Variants in CA9 observed in about 807,000 individuals in gnomAD.
The protein encoded by CA9 is CA-IX.
CA9 carries 43 observed loss-of-function variants against 51.8 expected under a neutral mutation model. The observed-to-expected ratio is 0.83, with a 90% CI of 0.65 to 1.07. The LOEUF (loss-of-function observed/expected upper bound fraction) is 1.07, where lower values mean the gene tolerates loss of function less well. Among genes scored for constraint, CA9 ranks in the 50% least tolerant of loss-of-function variants. The pLI, the probability that CA9 is intolerant of heterozygous loss-of-function variation, is 0.00. For missense variants in CA9, 574 were observed against 581.4 expected (o/e 0.99, Z 0.13); for synonymous variants, 253 against 244.2 (o/e 1.04, Z -0.34).
Position 35,678,701 on chromosome 9 carries a change from T to C in CA9, c.908-484T>C, listed in dbSNP as rs1734614855. ...TCAGATCATTTTTTCTTTTCTTTTC[T>C]TTTTTTTTTTTTTTACATCTTTAGT... On this transcript the variant is annotated intron_variant, in intron 6 of 10. Coordinates refer to ENST00000378357, the MANE Select transcript of CA9 (RefSeq NM_001216.3). 3.6e-5 allele frequency among the ~76,000 whole-genome samples: 5 copies of C among 139,236 alleles called. 1 individual carries two copies. The East Asian group carries it at 9.3e-4, about 26-fold the overall frequency. 91.3% of individuals were successfully genotyped at this position (139,236 alleles called of 152,430 possible).
At position 35,673,937 on chromosome 9, in the gene CA9, TGG is replaced by T; in HGVS notation, c.-21_-20del. The T allele has an allele frequency of 6.4e-7, 1 of 1,572,982 alleles. No individual in the cohort carries two copies. The highest frequency in any genetic ancestry group is 8.6e-7 in the Non-Finnish European group (1 of 1,159,138). On this transcript the variant is annotated 5_prime_UTR_variant, in exon 1 of 11. Coordinates refer to ENST00000378357, the MANE Select transcript of CA9 (RefSeq NM_001216.3). ...CGTACAGCCCGTACACACCGTGTGC[TGG>T]GACACCCCACAGTCAGCCGCATGGC...
intron 2 of CA9, 91 bp downstream of exon 2, chr9:35,675,658 T>TAGCC: frequency 7.1e-7 from 1 of 1,407,088 alleles, no homozygotes. Flanking sequence ...GTCCCGGGCG[T>TAGCC]CCCACCCGCC....
chr9:35,680,832 C>A lies in CA9; in HGVS notation c.1317C>A (p.His439Gln). 6.2e-7 allele frequency: 1 copy of A among 1,614,112 alleles called. No individual in the cohort carries two copies. Among genetic ancestry groups the A allele is most frequent in the Non-Finnish European group, 8.5e-7 (1 of 1,179,932 alleles). The change falls in exon 10 of 11, where the codon CAC becomes CAA. Residue 439 changes from histidine to glutamine, a missense_variant and splice_region_variant. Physicochemically the swap from His to Gln is conservative, Grantham distance 24 (BLOSUM62 0). Coordinates refer to ENST00000378357, the MANE Select transcript of CA9 (RefSeq NM_001216.3). ...VAFLVQMRRQ[H>Q]RRGTKGGVSY... ...TCCTTGTGCAGATGAGAAGGCAGCA[C>A]AGGTATTACACTGACCCTTTCTTCA...
At chr9:35,675,687 T>A in intron 2 of CA9, 74 bp from the exon 3 acceptor site, 7 of 606,002 alleles carry the variant, frequency 1.2e-5, no homozygotes, top group Middle Eastern at 5.1e-4. Flanking sequence ...TCCCACCCCC[T>A]CACCTTTTCT....
chr9:35,674,462 CTG>C, intron 1 of CA9, 100 bp downstream of exon 1: 3 of 1,121,458 alleles, frequency 2.7e-6, no homozygotes, highest in East Asian at 2.4e-5. Context: ...GGAGGGGAGA[CTG>C]TACTCCCCAC....
Position 35,674,291 on chromosome 9 carries a change from A to C in CA9, c.332A>C (p.Glu111Ala), listed in dbSNP as rs1824376161. 1 of 1,614,096 alleles carries C rather than the reference A, an allele frequency of 6.2e-7. No homozygotes were observed. Among genetic ancestry groups the C allele is most frequent in the Non-Finnish European group, 8.5e-7 (1 of 1,180,042 alleles). The change falls in exon 1 of 11, where the codon GAG becomes GCG. Residue 111 changes from glutamate (E) to alanine (A), a missense_variant. By Grantham distance (107) the Glu-to-Ala change is moderately radical. Coordinates refer to ENST00000378357, the MANE Select transcript of CA9 (RefSeq NM_001216.3). The part of the protein sequence containing the change: ...KSEEEGSLKL[E>A]DLPTVEAPGD... Reference sequence around the variant, plus strand: ...GAAGAAGAGGGCTCCCTGAAGTTAGAGGATCTACCTACTGTTGAGGCTCCT... The same window carrying C: ...GAAGAAGAGGGCTCCCTGAAGTTAGCGGATCTACCTACTGTTGAGGCTCCT...
intron 5 of CA9, 75 bp from the exon 6 acceptor site, chr9:35,677,714 AC>A (rs35212337): frequency 0.18 from 194,125 of 1,098,278 alleles, 19,926 homozygotes; most frequent in African/African-American, 0.26. Context: ...GTCTATGGGA[AC>A]CCCCCTTCAT....
intron 1 of CA9, 46 bp from the exon 2 acceptor site, chr9:35,675,492 G>A (rs1293304645): frequency 2.7e-5 from 44 of 1,610,716 alleles, no homozygotes; most frequent in Non-Finnish European, 3.7e-5. Context: ...GCCAGGAAGG[G>A]ATTGGGGCTC....
chr9:35,674,178 A>G lies in CA9; in HGVS notation c.219A>G (p.Arg73=), dbSNP rs112632019. The change falls in exon 1 of 11, where the codon AGA becomes AGG. Residue 73 remains arginine, a synonymous_variant. Coordinates refer to ENST00000378357, the MANE Select transcript of CA9 (RefSeq NM_001216.3). Reference sequence around the variant, plus strand: ...TGCCCAGTGAAGAGGATTCACCCAGAGAGGAGGATCCACCCGGAGAGGAGG... The same window carrying G: ...TGCCCAGTGAAGAGGATTCACCCAGGGAGGAGGATCCACCCGGAGAGGAGG... ...EDLPSEEDSP[R]EEDPPGEEDL... is the part of the protein sequence containing the mutation. 2.4e-5 allele frequency: 38 copies of G among 1,613,928 alleles called. No individual in the cohort carries two copies. Among genetic ancestry groups the G allele is most frequent in the Middle Eastern group, 1.6e-4 (1 of 6,084 alleles).
intron 1 of CA9, chr9:35,674,738 T>A: frequency 4.8e-5 from 8 of 166,596 alleles, no homozygotes; most frequent in Non-Finnish European, 1.0e-4. Flanking sequence ...GGAGGTGAAG[T>A]GGGTACCAGA....
At position 35,679,454 on chromosome 9, in the gene CA9, T is replaced by TA. The variant is rs750095543; in HGVS notation, c.1065+114dup. The TA allele has an allele frequency of 1.6e-3, 2,160 of 1,349,220 alleles. 5 individuals are homozygous for TA. Among genetic ancestry groups the TA allele is most frequent in the Non-Finnish European group, 2.0e-3 (1,970 of 988,920 alleles). 83.6% of individuals were successfully genotyped at this position (1,349,220 alleles called of 1,614,324 possible). On this transcript the variant is annotated intron_variant, in intron 7 of 10. Transcript: ENST00000378357. Reference sequence around the variant, plus strand: ...GGCTGGGCTCTGTGGCTTACGCCTATAATCCCACCACGTTGGGAGGCTGAG... The same window carrying TA: ...GGCTGGGCTCTGTGGCTTACGCCTATAAATCCCACCACGTTGGGAGGCTGAG...
In CA9 at chr9:35,674,236, G is replaced by A; in HGVS notation, c.277G>A (p.Glu93Lys). Residue 93 changes from glutamate (E) to lysine (K), a missense_variant, in exon 1 of 11, where the codon GAG becomes AAG. Transcript: ENST00000378357. ...TGGAGAGGAGGATCTACCTGGAGAGGAGGATCTACCTGAAGTTAAGCCTAA... is the reference window on the plus strand; with the variant it reads ...TGGAGAGGAGGATCTACCTGGAGAGAAGGATCTACCTGAAGTTAAGCCTAA... Reference protein sequence around the residue: ...LPGEEDLPGEEDLPEVKPKSE... With the variant: ...LPGEEDLPGEKDLPEVKPKSE... The A allele has an allele frequency of 6.3e-7, 1 of 1,596,252 alleles. No homozygotes were observed. The highest frequency in any genetic ancestry group is 1.4e-5 in the African/African-American group (1 of 71,752).
rs1247016467 is a variant in CA9 at position 35,681,091 on chromosome 9, T to G, written c.*66T>G. The G allele has an allele frequency of 7.6e-7, 1 of 1,310,284 alleles. No individual in the cohort carries two copies. Among genetic ancestry groups the G allele is most frequent in the Non-Finnish European group, 1.1e-6 (1 of 947,760 alleles). The allele number at this position is 1,310,284 out of a possible 1,614,324, so 81.2% of individuals were successfully genotyped here. ...TCTGAGGGGGAGCCGGTAACTGTCC[T>G]GTCCTGCTCATTATGCCACTTCCTT... On this transcript the variant is annotated 3_prime_UTR_variant, in exon 11 of 11. Transcript: ENST00000378357.
rs1824481796 is a variant in CA9, at chr9:35,679,195, T to C, written c.918T>C (p.Thr306=). The C allele has an allele frequency of 1.2e-6, 2 of 1,613,978 alleles. No homozygotes were observed. Among genetic ancestry groups the C allele is most frequent in the Non-Finnish European group, 1.7e-6 (2 of 1,180,020 alleles). ...LEEIAEEGSE[T]QVPGLDISAL... Reference sequence around the variant, plus strand: ...AGATCCTCTTCACAGGCTCAGAGACTCAGGTCCCAGGACTGGACATATCTG... The same window carrying C: ...AGATCCTCTTCACAGGCTCAGAGACCCAGGTCCCAGGACTGGACATATCTG... The change falls in exon 7 of 11, where the codon ACT becomes ACC. Residue 306 remains threonine (T), a synonymous_variant. Transcript: ENST00000378357.
chr9:35,675,665 C>T (rs1824401432), intron 2 of CA9, 96 bp from the exon 3 acceptor site: 1 of 1,404,690 alleles, frequency 7.1e-7, no homozygotes, highest in Non-Finnish European at 1.0e-6. Flanking sequence ...GCGTCCCACC[C>T]GCCGCCCACC....
chr9:35,680,912 G>A (rs1824537028), intron 10 of CA9, 53 bp from the exon 11 acceptor site: 2 of 1,611,622 alleles, frequency 1.2e-6, no homozygotes, highest in Non-Finnish European at 1.7e-6. Flanking sequence ...GCATGCAAAT[G>A]AGCTGCTCCT....
At chr9:35,675,658 T>TA in intron 2 of CA9, 91 bp downstream of exon 2, 62 of 1,406,902 alleles carry the variant, frequency 4.4e-5, no homozygotes, top group East Asian at 1.2e-4. Flanking sequence ...GTCCCGGGCG[T>TA]CCCACCCGCC....
At chr9:35,674,490 G>C in intron 1 of CA9, 128 bp downstream of exon 1, 1 of 804,094 alleles carries the variant, frequency 1.2e-6, no homozygotes, top group South Asian at 1.8e-5. Context: ...CCCTTCCAGA[G>C]GTCCCATACC....
Position 35,680,123 on chromosome 9 carries a change from T to C in CA9, c.1221T>C (p.Asn407=). The change falls in exon 9 of 11, where the codon AAT becomes AAC. Residue 407 remains asparagine, a synonymous_variant. Coordinates refer to ENST00000378357, the MANE Select transcript of CA9 (RefSeq NM_001216.3). ...CCTTTTTCTCTCCAGTCCAGCTGAA[T>C]TCCTGCCTGGCTGCTGGTGAGTCTG... ...SPRAAEPVQL[N]SCLAAGDILA... 6.2e-7 allele frequency: 1 copy of C among 1,614,224 alleles called. No individual in the cohort carries two copies. Among genetic ancestry groups the C allele is most frequent in the Non-Finnish European group, 8.5e-7 (1 of 1,180,046 alleles).
Sources: allele counts gnomAD v4.1 joint callset (sites outside exome capture counted in the v4.1 genomes callset), GRCh38; gene constraint gnomAD v4.1.1; transcripts MANE v1.5; gene names NCBI Gene and HGNC (gene_info 2026-07-23, HGNC 2026-07-21).